The following CCDC88C variants were observed in gnomAD, a reference collection of about 807,000 sequenced individuals.
CCDC88C encodes protein Daple.
A neutral mutation model predicts 198.8 loss-of-function variants in CCDC88C; 131 were observed. The ratio of observed to expected loss-of-function variants is 0.66; its 90% confidence interval spans 0.57 to 0.76. CCDC88C has a LOEUF of 0.76. Among genes scored for constraint, CCDC88C ranks in the 30% least tolerant of loss-of-function variants. The pLI is 0.00. For synonymous variants in CCDC88C, 1,166 were observed against 1,114.7 expected (o/e 1.05, Z -0.92); for missense variants, 2,553 against 2,631.6 (o/e 0.97, Z 0.65).
chr14:91,392,812 C>A (rs1007907942), intron 3 of CCDC88C, among the ~76,000 whole-genome samples: 7 of 150,852 alleles, frequency 4.6e-5, no homozygotes, highest in Non-Finnish European at 8.8e-5. Context: ...AGCCCCCTCA[C>A]TGCACTTCCT....
chr14:91,321,950 G>A (rs1892373881), intron 12 of CCDC88C, among the ~76,000 whole-genome samples: 1 of 152,176 alleles, frequency 6.6e-6, no homozygotes, highest in South Asian at 2.1e-4. Flanking sequence ...CTTTTAAACA[G>A]CTCAGGTGCA....
intron 2 of CCDC88C, among the ~76,000 whole-genome samples, chr14:91,411,244 C>T (rs1287196203): frequency 6.6e-6 from 1 of 152,144 alleles, no homozygotes; most frequent in East Asian, 1.9e-4. Flanking sequence ...CCCACCTTTC[C>T]ATGCTGTACA....
intron 15 of CCDC88C, among the ~76,000 whole-genome samples, chr14:91,312,863 CG>C (rs1309322513): frequency 6.6e-6 from 1 of 152,142 alleles, no homozygotes; most frequent in Non-Finnish European, 1.5e-5. Flanking sequence ...AATGATGAAA[CG>C]AAACAACTCA....
At chr14:91,401,292 T>C (rs1359111399) in intron 3 of CCDC88C, among the ~76,000 whole-genome samples, 4 of 141,392 alleles carry the variant, frequency 2.8e-5, no homozygotes, top group Non-Finnish European at 6.0e-5. Context: ...TTATATACAT[T>C]ATATATTATA....
rs746410512 is a variant in CCDC88C, at chr14:91,303,859, T to C, written c.3477A>G (p.Gln1159=). The change falls in exon 20 of 30, where the codon CAA becomes CAG. Residue 1159 remains glutamine, a synonymous_variant. Transcript: ENST00000389857. ...ENESLQRQQE[Q]LTAAYEALLQ... is the part of the protein sequence containing the mutation. ...GCAGGGCCTCGTAGGCCGCTGTAAG[T>C]TGCTCCTGCTGCCTCTGCAGGCTTT... 3.1e-6 allele frequency: 5 copies of C among 1,613,288 alleles called. No homozygotes were observed. The highest frequency in any genetic ancestry group is 3.4e-6 in the Non-Finnish European group (4 of 1,179,882).
intron 4 of CCDC88C, among the ~76,000 whole-genome samples, chr14:91,349,056 G>A (rs943634578): frequency 2.0e-5 from 3 of 152,128 alleles, no homozygotes; most frequent in Non-Finnish European, 4.4e-5. Flanking sequence ...CCAGATTGTG[G>A]GTTTTGAATA....
intron 3 of CCDC88C, among the ~76,000 whole-genome samples, chr14:91,375,453 T>C (rs751698621): frequency 6.6e-6 from 1 of 151,832 alleles, no homozygotes; most frequent in Non-Finnish European, 1.5e-5. Flanking sequence ...TTCCTTTAAG[T>C]AGGGAAGCTT....
chr14:91,357,144 A>G (rs968413620), intron 4 of CCDC88C, among the ~76,000 whole-genome samples: 2 of 152,340 alleles, frequency 1.3e-5, no homozygotes, highest in Admixed American at 6.5e-5. Context: ...TTACAGGCCA[A>G]CTGGTCAAGG....
intron 3 of CCDC88C, among the ~76,000 whole-genome samples, chr14:91,385,627 C>A (rs906450832): frequency 6.6e-6 from 1 of 152,120 alleles, no homozygotes; most frequent in African/African-American, 2.4e-5. Context: ...CTTTGGTAGT[C>A]CAGGGTGTGC....
intron 25 of CCDC88C, among the ~76,000 whole-genome samples, chr14:91,287,727 A>G (rs1246174262): frequency 6.9e-6 from 1 of 143,904 alleles, no homozygotes; most frequent in Non-Finnish European, 1.5e-5. Context: ...CACACACCAC[A>G]CTCAGAGGGT....
At chr14:91,278,265 G>A (rs1426939445) in intron 28 of CCDC88C, 54 bp from the exon 29 acceptor site, 1 of 1,519,172 alleles carries the variant, frequency 6.6e-7, no homozygotes, top group Non-Finnish European at 8.9e-7. Flanking sequence ...CAGCCCTCTG[G>A]TGGCTTCTAG....
chr14:91,364,958 G>A (rs531959923), intron 3 of CCDC88C, among the ~76,000 whole-genome samples: 13 of 152,316 alleles, frequency 8.5e-5, no homozygotes, highest in African/African-American at 2.9e-4. Flanking sequence ...GGCTTCATAG[G>A]CAATGAAGCT....
Position 91,378,226 on chromosome 14 carries a change from C to G in CCDC88C, c.271-18515G>C, listed in dbSNP as rs78671596. Among the ~76,000 whole-genome samples the G allele has an allele frequency of 6.9e-3, 1,050 of 152,266 alleles. 10 individuals are homozygous for G. Among genetic ancestry groups the G allele is most frequent in the African/African-American group, 0.024 (1,004 of 41,528 alleles). The stretch of plus-strand genomic sequence containing the variant: ...GCAAGCTGGCAGAGGTCACTACAGC[C>G]AGCAGGCATCCTGAAGTGGGGAGGC... On this transcript the variant is annotated intron_variant, in intron 3 of 29. Coordinates refer to ENST00000389857, the MANE Select transcript of CCDC88C (RefSeq NM_001080414.4).
chr14:91,277,366 C>T (rs955690010), intron 29 of CCDC88C, among the ~76,000 whole-genome samples: 3 of 152,190 alleles, frequency 2.0e-5, no homozygotes, highest in Admixed American at 6.5e-5. Context: ...ACGTATTTCA[C>T]ATCATGCGAA....
chr14:91,390,020 C>T (rs1045998177), intron 3 of CCDC88C, among the ~76,000 whole-genome samples: 9 of 150,442 alleles, frequency 6.0e-5, no homozygotes, highest in Non-Finnish European at 1.3e-4. Flanking sequence ...TGCAGTGAGC[C>T]GAGATTGTGC....
intron 2 of CCDC88C, among the ~76,000 whole-genome samples, chr14:91,414,510 T>G (rs1388593395): frequency 6.6e-6 from 1 of 152,240 alleles, no homozygotes; most frequent in Non-Finnish European, 1.5e-5. Context: ...CCAGCCACTC[T>G]GCAGGACATT....
At chr14:91,304,764 A>G (rs1891488282) in intron 19 of CCDC88C, among the ~76,000 whole-genome samples, 1 of 152,244 alleles carries the variant, frequency 6.6e-6, no homozygotes, top group South Asian at 2.1e-4. Context: ...ATACTTCCCA[A>G]ATCATTTTAT....
intron 4 of CCDC88C, among the ~76,000 whole-genome samples, chr14:91,344,971 T>A (rs1297801619): frequency 6.6e-6 from 1 of 151,324 alleles, no homozygotes; most frequent in Non-Finnish European, 1.5e-5. Flanking sequence ...AACTTTTGTA[T>A]TTTTTGTAGA....
At chr14:91,388,539 T>C (rs1284599795) in intron 3 of CCDC88C, among the ~76,000 whole-genome samples, 2 of 152,202 alleles carry the variant, frequency 1.3e-5, no homozygotes, top group Non-Finnish European at 2.9e-5. Flanking sequence ...ACCTGAGCTA[T>C]AGCAGCCTTG....
Sources: allele counts gnomAD v4.1 joint callset (sites outside exome capture counted in the v4.1 genomes callset), GRCh38; gene constraint gnomAD v4.1.1; transcripts MANE v1.5; gene names NCBI Gene and HGNC (gene_info 2026-07-23, HGNC 2026-07-21).